The following PLA2G7 variants were observed in gnomAD, a reference collection of about 807,000 sequenced individuals.
The protein encoded by PLA2G7 is platelet-activating factor acetylhydrolase.
PLA2G7 carries 63 observed loss-of-function variants against 49.6 expected under a neutral mutation model. The ratio of observed to expected loss-of-function variants is 1.27; its 90% CI spans 1.04 to 1.57. PLA2G7 has a LOEUF of 1.57. PLA2G7 is among the 40% of genes most tolerant of loss of function. The pLI, the probability that PLA2G7 is intolerant of heterozygous loss-of-function variation, is 0.00. For missense variants in PLA2G7, 596 were observed against 521.2 expected, an observed-to-expected ratio of 1.14 and a Z score of -1.40; for synonymous variants, 193 against 169.9, an observed-to-expected ratio of 1.14 and a Z score of -1.06.
At chr6:46,723,729 C>T (rs914672880) in intron 1 of PLA2G7, among the ~76,000 whole-genome samples, 2 of 152,142 alleles carry the variant, frequency 1.3e-5, no homozygotes, top group East Asian at 1.9e-4. Flanking sequence ...TCACCTCTAA[C>T]GAGTCTCCCT....
chr6:46,733,840 T>C (rs973838026), intron 1 of PLA2G7, among the ~76,000 whole-genome samples: 116 of 152,314 alleles, frequency 7.6e-4, no homozygotes, highest in African/African-American at 2.7e-3. Flanking sequence ...TGCCAACACC[T>C]CAGGGGATAC....
chr6:46,729,179 C>T (rs1257156610), intron 1 of PLA2G7, among the ~76,000 whole-genome samples: 1 of 152,174 alleles, frequency 6.6e-6, no homozygotes, highest in Non-Finnish European at 1.5e-5. Context: ...GGCACAGATG[C>T]TCTCCCGCTA....
chr6:46,728,744 A>G (rs1765643563), intron 1 of PLA2G7, among the ~76,000 whole-genome samples: 1 of 152,214 alleles, frequency 6.6e-6, no homozygotes, highest in South Asian at 2.1e-4. Flanking sequence ...ATTACTCACA[A>G]TAGTAAGAGT....
In PLA2G7 at chr6:46,716,983, T is replaced by A. The variant is rs769740876; in HGVS notation, c.223A>T (p.Thr75Ser). 3 of 1,613,422 alleles carry A rather than the reference T, an allele frequency of 1.9e-6. No individual in the cohort carries two copies. Among genetic ancestry groups the A allele is most frequent in the Non-Finnish European group, 2.5e-6 (3 of 1,179,438 alleles). ...ATAAATCAAAGCATTACCTTATTAG[T>A]GTGATCAAACATTAAGTCTGTACAA... ...VGCTDLMFDH[T>S]NKGTFLRLYY... Residue 75 changes from threonine (T) to serine (S), a missense_variant, in exon 3 of 12, where the codon ACT becomes TCT. By Grantham distance (58) the Thr-to-Ser change is moderately conservative. Transcript: ENST00000274793.
Position 46,717,798 on chromosome 6 carries a change from G to A in PLA2G7, c.110-702C>T, listed in dbSNP as rs181944859. ...GCAATCTTGGCTCACTGCAACCTCC[G>A]ACTCCCTGGTTCAAGTGATTCTCCT... On this transcript the variant is annotated intron_variant, in intron 2 of 11. Transcript: ENST00000274793. Among the ~76,000 whole-genome samples the A allele has an allele frequency of 3.6e-4, 53 of 145,704 alleles. No homozygotes were observed. In the East Asian group the frequency reaches 8.2e-3, roughly 23 times the overall value.
At chr6:46,726,597 T>C (rs1430365793) in intron 1 of PLA2G7, among the ~76,000 whole-genome samples, 1 of 152,112 alleles carries the variant, frequency 6.6e-6, no homozygotes, top group African/African-American at 2.4e-5. Flanking sequence ...ATCATCATAT[T>C]GTATGAAAAT....
intron 1 of PLA2G7, among the ~76,000 whole-genome samples, chr6:46,724,164 A>C (rs560056981): frequency 6.6e-6 from 1 of 152,292 alleles, no homozygotes; most frequent in African/African-American, 2.4e-5. Context: ...CTCCTTCTTC[A>C]CACCAATACA....
chr6:46,704,537 CT>C lies in PLA2G7; in HGVS notation c.*22del, dbSNP rs778182130. 6 of 1,406,226 alleles carry C rather than the reference CT, an allele frequency of 4.3e-6. No individual in the cohort carries two copies. The highest frequency in any genetic ancestry group is 3.4e-5 in the South Asian group (3 of 87,048). The allele number at this position is 1,406,226 out of a possible 1,614,324, so 87.1% of individuals were successfully genotyped here. The stretch of plus-strand genomic sequence containing the variant: ...AATTTTAGACAGTTTTGAAACAAGA[CT>C]TTTAAAAAACCTATTTTAATCCTAA... On this transcript the variant is annotated 3_prime_UTR_variant, in exon 12 of 12. Coordinates refer to ENST00000274793, the MANE Select transcript of PLA2G7 (RefSeq NM_005084.4).
chr6:46,712,165 C>A, intron 6 of PLA2G7, 104 bp downstream of exon 6: 1 of 786,532 alleles, frequency 1.3e-6, no homozygotes, highest in Non-Finnish European at 2.2e-6. Flanking sequence ...CTTGAAAGTT[C>A]CATCAACATT....
chr6:46,731,415 G>A (rs1765732013), intron 1 of PLA2G7, among the ~76,000 whole-genome samples: 1 of 152,144 alleles, frequency 6.6e-6, no homozygotes, highest in Non-Finnish European at 1.5e-5. Context: ...CCACAGCCAG[G>A]ACAAAGGCAA....
chr6:46,733,244 G>C (rs45479396), intron 1 of PLA2G7, among the ~76,000 whole-genome samples: 1 of 152,210 alleles, frequency 6.6e-6, no homozygotes, highest in Admixed American at 6.5e-5. Flanking sequence ...GCCCATGTAT[G>C]TTCCTCACAA....
rs1308105659 is a variant in PLA2G7 at position 46,708,090 on chromosome 6, A to G, written c.941T>C (p.Leu314Pro). The G allele has an allele frequency of 6.2e-7, 1 of 1,609,114 alleles. No homozygotes were observed. The highest frequency in any genetic ancestry group is 8.5e-7 in the Non-Finnish European group (1 of 1,175,620). Reference sequence around the variant, plus strand: ...GAAATATTCAGAGTTGATAAAAAAGAGGGGCTGAGGAATTCTGGAATATAC... The same window carrying G: ...GAAATATTCAGAGTTGATAAAAAAGGGGGGCTGAGGAATTCTGGAATATAC... Reference protein sequence around the residue: ...DEVYSRIPQPLFFINSEYFQY... With the variant: ...DEVYSRIPQPPFFINSEYFQY... Residue 314 changes from leucine (L) to proline (P), a missense_variant, in exon 10 of 12, where the codon CTC becomes CCC. Physicochemically the swap from Leu to Pro is moderately conservative, Grantham distance 98. Coordinates refer to ENST00000274793, the MANE Select transcript of PLA2G7 (RefSeq NM_005084.4).
rs200942624 is a variant in PLA2G7 at position 46,704,346 on chromosome 6, A to G, written c.*214T>C. 5.6e-5 allele frequency: 31 copies of G among 555,324 alleles called. No individual in the cohort carries two copies. Among genetic ancestry groups the G allele is most frequent in the Non-Finnish European group, 4.8e-5 (15 of 310,408 alleles). The allele number at this position is 555,324 out of a possible 1,614,324, so 34.4% of individuals were successfully genotyped here. A position where few individuals can be genotyped will look rare whatever the true frequency, so the allele number is the denominator to read the frequency against. On this transcript the variant is annotated 3_prime_UTR_variant, in exon 12 of 12. Transcript: ENST00000274793. ...ATTGTATACTGTATTCTTTCTTTAC[A>G]TCTAAAGGGAAAAAATTCTTAGTCC... is the stretch of plus-strand genomic sequence containing the variant.
At chr6:46,734,625 A>G (rs1167271379) in intron 1 of PLA2G7, among the ~76,000 whole-genome samples, 1 of 152,012 alleles carries the variant, frequency 6.6e-6, no homozygotes, top group Non-Finnish European at 1.5e-5. Flanking sequence ...GATCGAGACC[A>G]TTGTGGCGAA....
intron 10 of PLA2G7, 52 bp downstream of exon 10, chr6:46,707,939 T>C: frequency 8.7e-7 from 1 of 1,143,554 alleles, no homozygotes; most frequent in Non-Finnish European, 1.3e-6. Flanking sequence ...GATTGATATT[T>C]ACCCAAGCTT....
At chr6:46,709,204 A>T (rs1764927543) in intron 9 of PLA2G7, 123 bp downstream of exon 9, 1 of 671,812 alleles carries the variant, frequency 1.5e-6, no homozygotes. Flanking sequence ...GGGGCAAAAG[A>T]ATAGCCTTAT....
intron 2 of PLA2G7, among the ~76,000 whole-genome samples, chr6:46,719,077 A>G (rs1765309428): frequency 6.6e-6 from 1 of 152,182 alleles, no homozygotes; most frequent in Admixed American, 6.5e-5. Context: ...AATCAAATCC[A>G]TATTTAATTA....
intron 1 of PLA2G7, among the ~76,000 whole-genome samples, chr6:46,732,102 G>A (rs900348596): frequency 2.6e-5 from 4 of 151,954 alleles, no homozygotes; most frequent in African/African-American, 9.7e-5. Flanking sequence ...GGCCTATGAG[G>A]GTCTTCCTGA....
At chr6:46,735,151 C>T (rs1167317374) in intron 1 of PLA2G7, 29 bp downstream of exon 1, 1 of 151,860 alleles carries the variant, frequency 6.6e-6, no homozygotes, top group Non-Finnish European at 1.5e-5. Flanking sequence ...TCCTCCCACT[C>T]CCGCCTCGCC....
Sources: allele counts gnomAD v4.1 joint callset (sites outside exome capture counted in the v4.1 genomes callset), GRCh38; gene constraint gnomAD v4.1.1; transcripts MANE v1.5; gene names NCBI Gene and HGNC (gene_info 2026-07-23, HGNC 2026-07-21).